Variants in COL23A1 observed in about 807,000 individuals in gnomAD.
COL23A1 encodes collagen alpha-1(XXIII) chain.
COL23A1 carries 97 observed loss-of-function variants against 99.3 expected under a neutral mutation model. That is an observed-to-expected ratio of 0.98 (90% CI 0.83 to 1.16). COL23A1 has a LOEUF of 1.16. Ranked by LOEUF, COL23A1 falls within the 50% of genes most tolerant of loss-of-function variation. The pLI is 0.00. For synonymous variants in COL23A1, 320 were observed against 308.2 expected (o/e 1.04, Z -0.40); for missense variants, 762 against 757.4 (o/e 1.01, Z -0.07).
chr5:178,571,828 G>A (rs1763110776), intron 1 of COL23A1, among the ~76,000 whole-genome samples: 1 of 152,118 alleles, frequency 6.6e-6, no homozygotes, highest in Non-Finnish European at 1.5e-5. Flanking sequence ...CCAACACTTT[G>A]GGAGGCCGAG....
In COL23A1 at chr5:178,319,337, A is replaced by G. The variant is rs1195758262; in HGVS notation, c.362-12418T>C. Among the ~76,000 whole-genome samples, 3 of 152,216 alleles carry G rather than the reference A, an allele frequency of 2.0e-5. No homozygotes were observed. The East Asian group carries it at 5.8e-4, about 29-fold the overall frequency. ...CACCCCGAGTCTTAATCACTGACACATGTACTCCTCTGAACTTAACGAAGG... is the reference window on the plus strand; with the variant it reads ...CACCCCGAGTCTTAATCACTGACACGTGTACTCCTCTGAACTTAACGAAGG... On this transcript the variant is annotated intron_variant, in intron 2 of 28. Transcript: ENST00000390654.
At chr5:178,276,125 G>A (rs1756572635) in intron 5 of COL23A1, among the ~76,000 whole-genome samples, 1 of 152,154 alleles carries the variant, frequency 6.6e-6, no homozygotes, top group Non-Finnish European at 1.5e-5. Flanking sequence ...CTCCATCCCT[G>A]GAGTGTCTTG....
chr5:178,585,250 G>A (rs1763870179), intron 1 of COL23A1, among the ~76,000 whole-genome samples: 1 of 152,176 alleles, frequency 6.6e-6, no homozygotes, highest in South Asian at 2.1e-4. Flanking sequence ...ACCCTCCTCT[G>A]GGGTGACAAC....
At chr5:178,582,884 G>C (rs1180259427) in intron 1 of COL23A1, among the ~76,000 whole-genome samples, 1 of 152,188 alleles carries the variant, frequency 6.6e-6, no homozygotes, top group Non-Finnish European at 1.5e-5. Context: ...GGAGTAGGTG[G>C]CCTGACCTGG....
intron 2 of COL23A1, among the ~76,000 whole-genome samples, chr5:178,373,317 G>A (rs1437549897): frequency 6.6e-6 from 1 of 152,240 alleles, no homozygotes; most frequent in South Asian, 2.1e-4. Flanking sequence ...CACAGGACAA[G>A]GGCAGCGCCC....
chr5:178,456,420 C>T (rs772900929), intron 2 of COL23A1, among the ~76,000 whole-genome samples: 12 of 152,160 alleles, frequency 7.9e-5, no homozygotes, highest in Non-Finnish European at 1.2e-4. Context: ...AGAGTTTGGC[C>T]GGGCATGGTG....
intron 2 of COL23A1, among the ~76,000 whole-genome samples, chr5:178,338,730 T>TG (rs1009570728): frequency 1.3e-5 from 2 of 151,822 alleles, no homozygotes; most frequent in South Asian, 2.1e-4. Flanking sequence ...ATTTGGTTAA[T>TG]GGGGGGGTCC....
At chr5:178,486,740 C>T (rs2127961658) in intron 2 of COL23A1, among the ~76,000 whole-genome samples, 1 of 152,252 alleles carries the variant, frequency 6.6e-6, no homozygotes, top group African/African-American at 2.4e-5. Context: ...GGCCAAGAGG[C>T]TCTGTATCTA....
chr5:178,425,455 AAATAAATAAAT>A (rs1765869716), intron 2 of COL23A1, among the ~76,000 whole-genome samples: 2 of 150,966 alleles, frequency 1.3e-5, no homozygotes, highest in Non-Finnish European at 2.9e-5. Flanking sequence ...ATAAATAAAT[AAATAAATAAAT>A]AAAAATAAAA....
At chr5:178,481,911 T>C (rs1388106258) in intron 2 of COL23A1, among the ~76,000 whole-genome samples, 1 of 147,994 alleles carries the variant, frequency 6.8e-6, no homozygotes, top group Non-Finnish European at 1.5e-5. Flanking sequence ...TTAGAAGATA[T>C]ACCTAATGTA....
rs1758352815 is a variant in COL23A1, at chr5:178,306,357, T to G, written c.406+518A>C. On this transcript the variant is annotated intron_variant, in intron 3 of 28. Transcript: ENST00000390654. The surrounding 1 kb of genome is among the most constrained non-coding windows in gnomAD (Gnocchi z 4.1). Reference sequence around the variant, plus strand: ...AGGGGGCAATCTGCTGGGGACTGGGTAGGGGGAGTTCTGGGTGAAGCAGAG... The same window carrying G: ...AGGGGGCAATCTGCTGGGGACTGGGGAGGGGGAGTTCTGGGTGAAGCAGAG... 6.7e-6 allele frequency among the ~76,000 whole-genome samples: 1 copy of G among 149,218 alleles called. No individual in the cohort carries two copies. Among genetic ancestry groups the G allele is most frequent in the Admixed American group, 6.6e-5 (1 of 15,038 alleles).
intron 2 of COL23A1, among the ~76,000 whole-genome samples, chr5:178,442,371 T>C (rs1766920647): frequency 6.6e-6 from 1 of 151,770 alleles, no homozygotes; most frequent in African/African-American, 2.4e-5. Context: ...TTTTTAAAGA[T>C]CACCGCCATC....
chr5:178,358,443 G>A (rs1030126372), intron 2 of COL23A1, among the ~76,000 whole-genome samples: 1 of 150,668 alleles, frequency 6.6e-6, no homozygotes, highest in Non-Finnish European at 1.5e-5. Flanking sequence ...ATGTGTGTAT[G>A]TGTGTATATG....
chr5:178,314,084 A>G (rs1363384918), intron 2 of COL23A1, among the ~76,000 whole-genome samples: 3 of 152,058 alleles, frequency 2.0e-5, no homozygotes, highest in East Asian at 1.9e-4. Context: ...TGGGGACCCT[A>G]CTGCTCCTGG....
intron 2 of COL23A1, among the ~76,000 whole-genome samples, chr5:178,507,306 C>T (rs1758929768): frequency 6.6e-6 from 1 of 152,142 alleles, no homozygotes; most frequent in South Asian, 2.1e-4. Context: ...CAGCCAGTCC[C>T]TTGGATGGAT....
Position 178,415,815 on chromosome 5 carries a change from C to T in COL23A1, c.362-108896G>A, listed in dbSNP as rs1285230515. On this transcript the variant is annotated intron_variant, in intron 2 of 28. Transcript: ENST00000390654. The surrounding 1 kb of genome is among the most constrained non-coding windows in gnomAD (Gnocchi z 4.6). The stretch of plus-strand genomic sequence containing the variant: ...ACAGGCAAACAAGAAAGACTGAAAA[C>T]TCCTCGAGGGCACAACTGCAGACAT... Among the ~76,000 whole-genome samples, 3 of 152,136 alleles carry T rather than the reference C, an allele frequency of 2.0e-5. No homozygotes were observed. Among genetic ancestry groups the T allele is most frequent in the Non-Finnish European group, 4.4e-5 (3 of 68,032 alleles).
rs778037961 is a variant in COL23A1 at position 178,548,946 on chromosome 5, T to C, written c.361+11736A>G. ...TGCGATGGCATGCTGCAGTGCTCCA[T>C]TGTAGAAACGACAGTCACAGGAAAT... On this transcript the variant is annotated intron_variant, in intron 2 of 28. Transcript: ENST00000390654. Among the ~76,000 whole-genome samples, 37 of 152,168 alleles carry C rather than the reference T, an allele frequency of 2.4e-4. 1 individual carries two copies. The highest frequency in any genetic ancestry group is 2.7e-4 in the African/African-American group (11 of 41,444).
chr5:178,360,348 A>G (rs1437939728), intron 2 of COL23A1, among the ~76,000 whole-genome samples: 1 of 152,184 alleles, frequency 6.6e-6, no homozygotes. Flanking sequence ...TAGATTGCAA[A>G]ATCTTTTCCC....
intron 2 of COL23A1, among the ~76,000 whole-genome samples, chr5:178,461,579 T>C (rs1344725602): frequency 6.6e-6 from 1 of 152,232 alleles, no homozygotes; most frequent in Non-Finnish European, 1.5e-5. Context: ...TTTAAATGAT[T>C]TGTCTACTTG....
Sources: gnomAD v4.1 joint callset for allele counts (sites outside exome capture counted in the v4.1 genomes callset) on GRCh38, gnomAD v4.1.1 for gene constraint, Gnocchi (gnomAD v3.1) non-coding constraint, MANE v1.5 for transcripts, NCBI Gene and HGNC (gene_info 2026-07-23, HGNC 2026-07-21) for gene names.